PACRG: variants seen among roughly 807,000 people sequenced by gnomAD.
The protein encoded by PACRG is parkin coregulated gene protein.
In PACRG, 29 loss-of-function variants were observed where a neutral mutation model predicts 29.7. The ratio of observed to expected loss-of-function variants is 0.98; its 90% confidence interval spans 0.73 to 1.33. PACRG has a LOEUF of 1.33. Ranked by LOEUF, PACRG falls within the 40% of genes most tolerant of loss-of-function variation. PACRG has a pLI of 0.00. For synonymous variants in PACRG, 116 were observed against 118.7 expected (o/e 0.98, Z 0.15); for missense variants, 279 against 316.2 (o/e 0.88, Z 0.89).
At chr6:162,874,547 G>A (rs769988736) in intron 2 of PACRG, among the ~76,000 whole-genome samples, 14 of 152,204 alleles carry the variant, frequency 9.2e-5, no homozygotes, top group Middle Eastern at 3.4e-3. Context: ...CTGGGAGGTC[G>A]CAGATGGAAG....
At chr6:162,935,415 C>T (rs190909358) in intron 2 of PACRG, among the ~76,000 whole-genome samples, 253 of 142,046 alleles carry the variant, frequency 1.8e-3, no homozygotes, top group African/African-American at 6.1e-3. Flanking sequence ...TTTTTGACTA[C>T]GTAATTTTAA....
At chr6:163,071,883 A>G (rs1812090962) in intron 3 of PACRG, among the ~76,000 whole-genome samples, 1 of 146,626 alleles carries the variant, frequency 6.8e-6, no homozygotes, top group Non-Finnish European at 1.5e-5. Flanking sequence ...TTGAATCATA[A>G]AGAAATCCAA....
intron 4 of PACRG, among the ~76,000 whole-genome samples, chr6:163,123,387 T>C (rs556182480): frequency 5.3e-5 from 8 of 152,370 alleles, no homozygotes; most frequent in African/African-American, 1.7e-4. Context: ...ATATCAATGT[T>C]GCCAGCCTGG....
At chr6:163,251,607 A>G (rs996505716) in intron 4 of PACRG, among the ~76,000 whole-genome samples, 1 of 152,202 alleles carries the variant, frequency 6.6e-6, no homozygotes, top group Non-Finnish European at 1.5e-5. Context: ...CATGAGGTCA[A>G]CAGTATAAGG....
chr6:163,022,943 A>C (rs754208865), intron 2 of PACRG, among the ~76,000 whole-genome samples: 371 of 152,054 alleles, frequency 2.4e-3, no homozygotes, highest in Non-Finnish European at 4.2e-3. Flanking sequence ...ACATTTCCTA[A>C]TTTTTTTTCA....
intron 2 of PACRG, among the ~76,000 whole-genome samples, chr6:162,900,727 C>T (rs1795501775): frequency 6.6e-6 from 1 of 152,186 alleles, no homozygotes; most frequent in Non-Finnish European, 1.5e-5. Flanking sequence ...TCTGCTGCCT[C>T]CGGGACTTGC....
At chr6:162,748,635 C>T (rs891353013) in intron 1 of PACRG, among the ~76,000 whole-genome samples, 6 of 152,126 alleles carry the variant, frequency 3.9e-5, no homozygotes, top group East Asian at 1.9e-4. Context: ...ATGAGATTCA[C>T]GCACACAGTT....
At chr6:162,972,253 CA>C (rs1271012222) in intron 2 of PACRG, among the ~76,000 whole-genome samples, 3 of 152,182 alleles carry the variant, frequency 2.0e-5, no homozygotes, top group African/African-American at 7.2e-5. Flanking sequence ...AAATAATAGA[CA>C]TCCTCTGACT....
At chr6:163,046,661 A>G (rs1414250395) in intron 2 of PACRG, 1 of 152,092 alleles carries the variant, frequency 6.6e-6, no homozygotes, top group Non-Finnish European at 1.5e-5. Context: ...TCATTGATTC[A>G]TTCTTTCGAC....
chr6:162,990,384 T>C (rs1326834879), intron 2 of PACRG, among the ~76,000 whole-genome samples: 1 of 150,876 alleles, frequency 6.6e-6, no homozygotes, highest in Non-Finnish European at 1.5e-5. Context: ...TTTCTCCACA[T>C]CCTCTCCAGC....
At chr6:163,291,155 G>A (rs569421759) in intron 4 of PACRG, among the ~76,000 whole-genome samples, 9 of 151,506 alleles carry the variant, frequency 5.9e-5, no homozygotes, top group Non-Finnish European at 1.2e-4. Context: ...CTGGCCTGCG[G>A]GTCACCCTGC....
At chr6:162,741,210 G>A (rs1780567932) in intron 1 of PACRG, among the ~76,000 whole-genome samples, 1 of 152,178 alleles carries the variant, frequency 6.6e-6, no homozygotes, top group Non-Finnish European at 1.5e-5. Context: ...ATTCCAAGAT[G>A]AGGTACTATT....
chr6:162,914,810 A>C (rs908648672), intron 2 of PACRG, among the ~76,000 whole-genome samples: 2 of 151,872 alleles, frequency 1.3e-5, no homozygotes, highest in Admixed American at 6.6e-5. Context: ...CTTGACATTA[A>C]TGTAAATGAA....
chr6:162,967,823 G>A (rs1462694043), intron 2 of PACRG, among the ~76,000 whole-genome samples: 1 of 152,086 alleles, frequency 6.6e-6, no homozygotes, highest in Non-Finnish European at 1.5e-5. Context: ...ATCATAAAAT[G>A]TGATTTTACT....
intron 1 of PACRG, among the ~76,000 whole-genome samples, chr6:162,811,675 A>T (rs73603844): frequency 0.014 from 2,206 of 152,296 alleles, 58 homozygotes; most frequent in African/African-American, 0.05. Context: ...AACTTTATTC[A>T]TAATAGCCAA....
chr6:162,785,349 A>G (rs1302691640), intron 1 of PACRG, among the ~76,000 whole-genome samples: 1 of 152,240 alleles, frequency 6.6e-6, no homozygotes, highest in Non-Finnish European at 1.5e-5. Flanking sequence ...TCATATTGCC[A>G]AAGAAACCAT....
chr6:162,735,638 G>C (rs965762912), intron 1 of PACRG, among the ~76,000 whole-genome samples: 2 of 152,004 alleles, frequency 1.3e-5, no homozygotes, highest in African/African-American at 4.8e-5. Context: ...TATTCTAAAT[G>C]ATATGAGGCA....
At chr6:162,859,043 A>C (rs1791636584) in intron 2 of PACRG, among the ~76,000 whole-genome samples, 1 of 152,180 alleles carries the variant, frequency 6.6e-6, no homozygotes, top group Non-Finnish European at 1.5e-5. Context: ...TCATGTTCTG[A>C]ACCCCAAAAA....
intron 1 of PACRG, among the ~76,000 whole-genome samples, chr6:162,744,664 A>C (rs1300273276): frequency 6.6e-6 from 1 of 152,140 alleles, no homozygotes; most frequent in African/African-American, 2.4e-5. Context: ...CATATTTGAA[A>C]TAGGTACATA....
Sources: allele counts gnomAD v4.1 joint callset (sites outside exome capture counted in the v4.1 genomes callset), GRCh38; gene constraint gnomAD v4.1.1; transcripts MANE v1.5; gene names NCBI Gene and HGNC (gene_info 2026-07-23, HGNC 2026-07-21).